The following TBC1D5 variants were observed in gnomAD, a reference collection of about 807,000 sequenced individuals.
TBC1D5 encodes TBC1 domain family member 5.
In TBC1D5, 75 loss-of-function variants were observed where a neutral mutation model predicts 100.3. That is an observed-to-expected ratio of 0.75 (90% CI 0.62 to 0.91). The LOEUF (loss-of-function observed/expected upper bound fraction) is 0.91. Among genes scored for constraint, TBC1D5 ranks in the 40% least tolerant of loss-of-function variants. TBC1D5 has a pLI of 0.00. For missense variants in TBC1D5, 910 were observed against 942.4 expected (o/e 0.97, Z 0.45); for synonymous variants, 323 against 325.6 (o/e 0.99, Z 0.09).
chr3:17,406,418 C>A (rs767881314), exon 5 of TBC1D5: 1 of 1,603,738 alleles, frequency 6.2e-7, no homozygotes, highest in Non-Finnish European at 8.5e-7. Context: ...TTCTTCTTAC[C>A]TTCCAGCAAA....
chr3:17,347,864 G>A (rs2090099409), intron 13 of TBC1D5, among the ~76,000 whole-genome samples: 1 of 152,124 alleles, frequency 6.6e-6, no homozygotes, highest in South Asian at 2.1e-4. Flanking sequence ...TTAGTCAGGT[G>A]TGGAGACACA....
intron 1 of TBC1D5, among the ~76,000 whole-genome samples, chr3:17,717,357 A>AT (rs2075328203): frequency 2.0e-5 from 3 of 152,102 alleles, no homozygotes; most frequent in Admixed American, 2.0e-4. Context: ...ATTAACATAA[A>AT]TAATATTTGC....
At chr3:17,248,306 CCT>C (rs780945196) in intron 16 of TBC1D5, among the ~76,000 whole-genome samples, 2 of 149,406 alleles carry the variant, frequency 1.3e-5, no homozygotes, top group Non-Finnish European at 2.9e-5. Context: ...GTCTTGAATC[CCT>C]CTGAGTCATT....
intron 15 of TBC1D5, 60 bp from the exon 16 acceptor site, chr3:17,258,651 A>C: frequency 7.5e-7 from 1 of 1,326,168 alleles, no homozygotes; most frequent in Non-Finnish European, 1.1e-6. Context: ...AACATATAAG[A>C]GGACAGCAAT....
At chr3:17,539,766 T>A (rs543893712) in intron 2 of TBC1D5, among the ~76,000 whole-genome samples, 1 of 152,208 alleles carries the variant, frequency 6.6e-6, no homozygotes, top group Non-Finnish European at 1.5e-5. Flanking sequence ...TACAATTCCA[T>A]ATTTCAGCTA....
rs572945158 is a variant in TBC1D5, at chr3:17,578,465, T to C, written c.-36+45384A>G. ...CATTTGTTATCAGATTAAAATAATG[T>C]CAAGGTTTTAGAACCCTACTGGTAC... On this transcript the variant is annotated intron_variant, in intron 2 of 21. Coordinates refer to ENST00000253692, the Ensembl canonical transcript of TBC1D5. Among the ~76,000 whole-genome samples, 85 of 152,196 alleles carry C rather than the reference T, an allele frequency of 5.6e-4. No homozygotes were observed. The South Asian group carries it at 0.016, about 29-fold the overall frequency.
At chr3:17,202,498 G>A (rs2071587191) in intron 18 of TBC1D5, among the ~76,000 whole-genome samples, 1 of 152,242 alleles carries the variant, frequency 6.6e-6, no homozygotes, top group Non-Finnish European at 1.5e-5. Flanking sequence ...AAAGTAAAGA[G>A]GGGTGAATGT....
Position 17,599,541 on chromosome 3 carries a change from A to G in TBC1D5, c.-36+24308T>C, listed in dbSNP as rs1273917408. On this transcript the variant is annotated intron_variant, in intron 2 of 21. Coordinates refer to ENST00000253692, the Ensembl canonical transcript of TBC1D5. ...GCATCCTTCAAGTCCATATGACTTG[A>G]TTCTTCCTGGATGCCGAACAAGAAC... Among the ~76,000 whole-genome samples the G allele has an allele frequency of 2.6e-5, 4 of 152,094 alleles. No individual in the cohort carries two copies. The East Asian group carries it at 7.7e-4, about 29-fold the overall frequency.
chr3:17,361,303 T>C (rs972121296), intron 13 of TBC1D5, among the ~76,000 whole-genome samples: 2 of 152,022 alleles, frequency 1.3e-5, no homozygotes, highest in African/African-American at 4.8e-5. Context: ...ACATGTCTGG[T>C]CATTTTAAAG....
At position 17,416,275 on chromosome 3, in the gene TBC1D5, A is replaced by G. The variant is rs993827137; in HGVS notation, c.168-9749T>C. Reference sequence around the variant, plus strand: ...GAAATGTTCTACATCTGACTCCCCAATATGGTAAGCACTGACCATACATAG... The same window carrying G: ...GAAATGTTCTACATCTGACTCCCCAGTATGGTAAGCACTGACCATACATAG... On this transcript the variant is annotated intron_variant, in intron 4 of 21. Coordinates refer to ENST00000253692, the Ensembl canonical transcript of TBC1D5. Among the ~76,000 whole-genome samples, 8 of 152,212 alleles carry G rather than the reference A, an allele frequency of 5.3e-5. No homozygotes were observed. In the East Asian group the frequency reaches 5.8e-4, roughly 11 times the overall value.
intron 13 of TBC1D5, among the ~76,000 whole-genome samples, chr3:17,309,950 A>C (rs2083824836): frequency 1.3e-5 from 2 of 152,142 alleles, no homozygotes. Context: ...ATCAATGAGG[A>C]AAGTAGATGA....
intron 2 of TBC1D5, among the ~76,000 whole-genome samples, chr3:17,582,584 G>A (rs1299915721): frequency 6.6e-6 from 1 of 151,814 alleles, no homozygotes; most frequent in Non-Finnish European, 1.5e-5. Flanking sequence ...TTAAATAGGA[G>A]GTTGAGGTTG....
intron 4 of TBC1D5, among the ~76,000 whole-genome samples, chr3:17,412,481 T>A (rs909288393): frequency 6.6e-6 from 1 of 152,030 alleles, no homozygotes; most frequent in Non-Finnish European, 1.5e-5. Context: ...CAATCACAAA[T>A]ATGAATGGTA....
chr3:17,730,108 T>A (rs571957938), intron 1 of TBC1D5, among the ~76,000 whole-genome samples: 12 of 150,648 alleles, frequency 8.0e-5, no homozygotes, highest in Middle Eastern at 3.4e-3. Context: ...TGAAACTCCA[T>A]CTCAAAAAAA....
At chr3:17,217,166 C>CA (rs1434268858) in intron 17 of TBC1D5, among the ~76,000 whole-genome samples, 3 of 152,078 alleles carry the variant, frequency 2.0e-5, no homozygotes, top group Non-Finnish European at 4.4e-5. Context: ...TCTCTTGGGA[C>CA]AGTGCTTAAA....
chr3:17,442,754 G>A lies in TBC1D5; in HGVS notation c.98-14235C>T, dbSNP rs542371989. ...GGAGCAGACTAAAAAAGCATGGAAA[G>A]GACTTTGAAACTGCTGACACTGGAA... is the stretch of plus-strand genomic sequence containing the variant. On this transcript the variant is annotated intron_variant, in intron 3 of 21. Coordinates refer to ENST00000253692, the Ensembl canonical transcript of TBC1D5. Among the ~76,000 whole-genome samples, 11 of 152,300 alleles carry A rather than the reference G, an allele frequency of 7.2e-5. No homozygotes were observed. The South Asian group carries it at 2.1e-3, about 29-fold the overall frequency.
chr3:17,526,692 C>T (rs757778507), intron 2 of TBC1D5, among the ~76,000 whole-genome samples: 1 of 152,132 alleles, frequency 6.6e-6, no homozygotes, highest in Non-Finnish European at 1.5e-5. Context: ...CTGACATATA[C>T]ATAGTAAGCA....
intron 1 of TBC1D5, among the ~76,000 whole-genome samples, chr3:17,687,953 T>C (rs2070553646): frequency 6.6e-6 from 1 of 152,194 alleles, no homozygotes; most frequent in Admixed American, 6.5e-5. Flanking sequence ...CAGTAAAAGT[T>C]ACAACTCTTC....
intron 1 of TBC1D5, among the ~76,000 whole-genome samples, chr3:17,647,406 G>A (rs2065109041): frequency 6.6e-6 from 1 of 152,158 alleles, no homozygotes; most frequent in Admixed American, 6.5e-5. Flanking sequence ...GCAAGCTACA[G>A]GGAATAAGGG....
Sources: allele counts gnomAD v4.1 joint callset (sites outside exome capture counted in the v4.1 genomes callset), GRCh38; gene constraint gnomAD v4.1.1; transcripts MANE v1.5; gene names NCBI Gene and HGNC (gene_info 2026-07-23, HGNC 2026-07-21).